PKNOX2: variants seen among roughly 807,000 people sequenced by gnomAD.
PKNOX2 encodes PBX/knotted 1 homeobox 2, also known as homeobox protein PKNOX2.
Under a neutral mutation model 53.1 loss-of-function variants are expected in PKNOX2, and 14 were observed. That is an observed-to-expected ratio of 0.26 (90% CI 0.17 to 0.41). The LOEUF (loss-of-function observed/expected upper bound fraction) is 0.41. Among genes scored for constraint, PKNOX2 ranks in the 10% least tolerant of loss-of-function variants. The pLI is 1.00. For missense variants in PKNOX2, 496 were observed against 602.8 expected, an observed-to-expected ratio of 0.82 and a Z score of 1.85; for synonymous variants, 257 against 242.8, an observed-to-expected ratio of 1.06 and a Z score of -0.54.
At chr11:125,307,016 T>C (rs1948508856) in intron 2 of PKNOX2, among the ~76,000 whole-genome samples, 1 of 152,234 alleles carries the variant, frequency 6.6e-6, no homozygotes, top group South Asian at 2.1e-4. Flanking sequence ...CCCAGCACAC[T>C]TTATACTCAC....
chr11:125,284,246 G>A (rs982652137), intron 2 of PKNOX2, among the ~76,000 whole-genome samples: 12 of 152,134 alleles, frequency 7.9e-5, no homozygotes, highest in Non-Finnish European at 1.0e-4. Flanking sequence ...TAGTCTCTGC[G>A]GCAAGTACTC....
intron 2 of PKNOX2, among the ~76,000 whole-genome samples, chr11:125,310,282 G>A (rs1453953167): frequency 6.6e-6 from 1 of 151,966 alleles, no homozygotes; most frequent in African/African-American, 2.4e-5. Context: ...GGATCACAAG[G>A]TCAGGAGTTC....
At chr11:125,232,104 A>T (rs191758112) in intron 1 of PKNOX2, among the ~76,000 whole-genome samples, 3 of 152,216 alleles carry the variant, frequency 2.0e-5, no homozygotes, top group African/African-American at 7.2e-5. Context: ...TTCCGCTAAC[A>T]TCTAAAGTTA....
intron 1 of PKNOX2, among the ~76,000 whole-genome samples, chr11:125,190,508 C>A (rs1400640215): frequency 6.6e-6 from 1 of 152,216 alleles, no homozygotes; most frequent in African/African-American, 2.4e-5. Flanking sequence ...CTCTTGGTTC[C>A]TTATTTATGG....
chr11:125,417,324 G>A (rs1007915704), intron 10 of PKNOX2, among the ~76,000 whole-genome samples: 2 of 152,098 alleles, frequency 1.3e-5, no homozygotes. Flanking sequence ...CAGCTTTTCA[G>A]AATATGCTCT....
intron 4 of PKNOX2, among the ~76,000 whole-genome samples, chr11:125,354,806 C>G (rs1163184818): frequency 1.3e-5 from 2 of 152,136 alleles, no homozygotes; most frequent in African/African-American, 4.8e-5. Flanking sequence ...GAAGCATTCA[C>G]TGTTATGGCC....
intron 1 of PKNOX2, among the ~76,000 whole-genome samples, chr11:125,211,945 T>C (rs545775766): frequency 2.2e-4 from 33 of 152,242 alleles, no homozygotes; most frequent in South Asian, 1.7e-3. Flanking sequence ...TGGTTTCCTA[T>C]ATGGCTCTAT....
intron 3 of PKNOX2, among the ~76,000 whole-genome samples, chr11:125,345,982 G>C (rs1485277422): frequency 1.3e-5 from 2 of 152,162 alleles, no homozygotes; most frequent in South Asian, 2.1e-4. Context: ...CATTTTGGAC[G>C]CGGCGTTGGG....
At chr11:125,249,041 CCT>C in intron 2 of PKNOX2, among the ~76,000 whole-genome samples, 1 of 104,456 alleles carries the variant, frequency 9.6e-6, no homozygotes, top group East Asian at 2.6e-4. Context: ...GTATATATAA[CCT>C]ATATATTATA....
At chr11:125,175,885 C>T (rs1228681449) in intron 1 of PKNOX2, among the ~76,000 whole-genome samples, 1 of 152,132 alleles carries the variant, frequency 6.6e-6, no homozygotes. Context: ...AATGACAGCG[C>T]CTACACCGTG....
At position 125,217,008 on chromosome 11, in the gene PKNOX2, A is replaced by AACAC. The variant is rs10571639; in HGVS notation, c.-200-18011_-200-18008dup. Among the ~76,000 whole-genome samples the AACAC allele has an allele frequency of 7.3e-3, 1,076 of 147,170 alleles. 6 individuals are homozygous for AACAC. Among genetic ancestry groups the AACAC allele is most frequent in the Middle Eastern group, 0.011 (3 of 280 alleles). ...TGTGAAAGTTTCCCCATCCCCTCAA[A>AACAC]ACACACACACACACACACACACACA... On this transcript the variant is annotated intron_variant, in intron 1 of 12. Transcript: ENST00000298282.
chr11:125,167,330 C>T (rs1313694321), intron 1 of PKNOX2, among the ~76,000 whole-genome samples: 1 of 152,184 alleles, frequency 6.6e-6, no homozygotes, highest in Non-Finnish European at 1.5e-5. Flanking sequence ...ACACGGAAGA[C>T]GCACGACCCA....
chr11:125,337,047 T>C (rs1370314095), intron 3 of PKNOX2, among the ~76,000 whole-genome samples: 1 of 151,878 alleles, frequency 6.6e-6, no homozygotes, highest in Non-Finnish European at 1.5e-5. Context: ...TAATAAGTTA[T>C]CTATGATTTT....
chr11:125,406,901 CCT>C (rs1020102368), intron 7 of PKNOX2, among the ~76,000 whole-genome samples: 2 of 131,768 alleles, frequency 1.5e-5, no homozygotes, highest in African/African-American at 5.8e-5. Context: ...ACCCAGTGGC[CCT>C]GAGAATCTAT....
At chr11:125,391,848 A>C (rs982229809) in intron 6 of PKNOX2, among the ~76,000 whole-genome samples, 1 of 152,224 alleles carries the variant, frequency 6.6e-6, no homozygotes, top group African/African-American at 2.4e-5. Flanking sequence ...TTAAGGATGC[A>C]TTCACCACAT....
At chr11:125,183,737 G>T (rs1956288690) in intron 1 of PKNOX2, among the ~76,000 whole-genome samples, 1 of 124,744 alleles carries the variant, frequency 8.0e-6, no homozygotes, top group African/African-American at 2.9e-5. Flanking sequence ...CACAAAAAGA[G>T]ATGATTTTTT....
chr11:125,288,300 C>G (rs1344795099), intron 2 of PKNOX2: 1 of 152,088 alleles, frequency 6.6e-6, no homozygotes, highest in East Asian at 1.9e-4. Context: ...CTACCTGGGC[C>G]TGAGCCTTAC....
At chr11:125,177,104 G>A (rs1955767085) in intron 1 of PKNOX2, among the ~76,000 whole-genome samples, 1 of 152,208 alleles carries the variant, frequency 6.6e-6, no homozygotes. Flanking sequence ...CTCAGCACCA[G>A]CCACAGGGGG....
chr11:125,390,783 G>A (rs1476777218), intron 6 of PKNOX2, among the ~76,000 whole-genome samples: 1 of 152,222 alleles, frequency 6.6e-6, no homozygotes, highest in East Asian at 1.9e-4. Flanking sequence ...CAAATTCTGA[G>A]GCCATCAGAA....
Sources: allele counts gnomAD v4.1 joint callset (sites outside exome capture counted in the v4.1 genomes callset), GRCh38; gene constraint gnomAD v4.1.1; transcripts MANE v1.5; gene names NCBI Gene and HGNC (gene_info 2026-07-23, HGNC 2026-07-21).